ANK2: variants seen among roughly 807,000 people sequenced by gnomAD.
The protein encoded by ANK2 is ankyrin 2.
ANK2 carries 83 observed loss-of-function variants against 360.5 expected under a neutral mutation model. That is an observed-to-expected ratio of 0.23 (90% confidence interval 0.19 to 0.28). The LOEUF is 0.28. Ranked by LOEUF, ANK2 falls within the 10% of genes least tolerant of loss-of-function variation. The pLI, the probability that ANK2 is intolerant of heterozygous loss-of-function variation, is 1.00. For synonymous variants in ANK2, 1,740 were observed against 1,759.5 expected, an observed-to-expected ratio of 0.99 and a Z score of 0.28; for missense variants, 4,201 against 4,795.7, an observed-to-expected ratio of 0.88 and a Z score of 3.66.
intron 1 of ANK2, chr4:112,818,301 T>A (rs971600371): frequency 6.6e-6 from 1 of 152,268 alleles, no homozygotes; most frequent in African/African-American, 2.4e-5. Context: ...CAGAGCATTT[T>A]GGAAGCGGGG....
chr4:113,239,015 G>GTC (rs2099404948), intron 7 of ANK2, among the ~76,000 whole-genome samples: 1 of 152,034 alleles, frequency 6.6e-6, no homozygotes, highest in Admixed American at 6.5e-5. Context: ...CACACTCAGG[G>GTC]TATGTCTGTG....
chr4:112,788,309 C>T, the ANK2 span: 14 of 1,568,796 alleles, frequency 8.9e-6, no homozygotes, highest in African/African-American at 1.3e-5. Flanking sequence ...GTGGACGAGA[C>T]GTCCCAGTCT....
In ANK2 at chr4:113,357,509, T is replaced by C. The variant is rs1164957496; in HGVS notation, c.8891T>C (p.Ile2964Thr). 2 of 1,614,132 alleles carry C rather than the reference T, an allele frequency of 1.2e-6. No homozygotes were observed. The highest frequency in any genetic ancestry group is 1.1e-5 in the South Asian group (1 of 91,086). Residue 2964 changes from isoleucine (I) to threonine (T), a missense_variant, in exon 38 of 46, where the codon ATC (isoleucine) becomes ACC (threonine). Ile to Thr is a moderately conservative substitution (Grantham distance 89). Coordinates refer to ENST00000357077, the MANE Select transcript of ANK2 (RefSeq NM_001148.6). ...FHSSEVYSVT[I>T]TSPVEDVVVA... Reference sequence around the variant, plus strand: ...TCTTCTGAAGTGTATTCTGTTACCATCACATCCCCTGTTGAAGACGTTGTA... The same window carrying C: ...TCTTCTGAAGTGTATTCTGTTACCACCACATCCCCTGTTGAAGACGTTGTA...
At chr4:112,716,173 A>G in the ANK2 span, among the ~76,000 whole-genome samples, 1 of 152,222 alleles carries the variant, frequency 6.6e-6, no homozygotes, top group Non-Finnish European at 1.5e-5. Flanking sequence ...AACTCTGAGT[A>G]AATTATATAA....
chr4:113,144,513 C>A (rs1465627349), intron 1 of ANK2, among the ~76,000 whole-genome samples: 3 of 151,880 alleles, frequency 2.0e-5, no homozygotes, highest in Non-Finnish European at 4.4e-5. Flanking sequence ...TGGTTAGTTT[C>A]TAAATATCTT....
chr4:113,176,989 C>T (rs1334099464), intron 2 of ANK2, among the ~76,000 whole-genome samples: 1 of 152,146 alleles, frequency 6.6e-6, no homozygotes, highest in Non-Finnish European at 1.5e-5. Flanking sequence ...CATAGTATTC[C>T]ATGGTGTATA....
intron 27 of ANK2, 113 bp from the exon 28 acceptor site, chr4:113,331,859 T>G (rs2092529187): frequency 1.0e-6 from 1 of 984,644 alleles, no homozygotes; most frequent in Non-Finnish European, 1.6e-6. Flanking sequence ...CCAAACGCAG[T>G]GTGAAACCAA....
intron 1 of ANK2, among the ~76,000 whole-genome samples, chr4:113,117,768 TAA>T (rs2154369647): frequency 6.6e-6 from 1 of 152,336 alleles, no homozygotes; most frequent in East Asian, 1.9e-4. Flanking sequence ...GTTGGAGGGT[TAA>T]AGTATTTTCT....
intron 8 of ANK2, among the ~76,000 whole-genome samples, chr4:113,241,248 T>G (rs1378662236): frequency 6.6e-6 from 1 of 152,214 alleles, no homozygotes; most frequent in African/African-American, 2.4e-5. Flanking sequence ...GTATAATGTT[T>G]TTGTACTAAG....
intron 1 of ANK2, among the ~76,000 whole-genome samples, chr4:113,082,089 A>G (rs959341770): frequency 2.0e-5 from 3 of 152,178 alleles, no homozygotes. Flanking sequence ...GATTACAGGC[A>G]TGAGCCACTG....
chr4:112,888,089 G>C (rs1027427315), intron 1 of ANK2, among the ~76,000 whole-genome samples: 1 of 152,102 alleles, frequency 6.6e-6, no homozygotes, highest in Non-Finnish European at 1.5e-5. Flanking sequence ...TAGATAGGTA[G>C]TGTTTTCCTT....
the ANK2 span, among the ~76,000 whole-genome samples, chr4:112,785,457 G>T: frequency 1.4e-5 from 2 of 146,448 alleles, no homozygotes; most frequent in Admixed American, 1.4e-4. Context: ...GACTGCAACC[G>T]CTGCCTCCTG....
intron 1 of ANK2, among the ~76,000 whole-genome samples, chr4:112,878,482 AC>A (rs1256791772): frequency 1.1e-4 from 16 of 151,782 alleles, no homozygotes; most frequent in African/African-American, 3.1e-4. Flanking sequence ...ATGCGCCACC[AC>A]GCCCAGTTAA....
At chr4:112,812,305 G>A in the ANK2 span, among the ~76,000 whole-genome samples, 3 of 152,240 alleles carry the variant, frequency 2.0e-5, no homozygotes, top group East Asian at 5.8e-4. Flanking sequence ...TGCTGTGATA[G>A]ATTGTATTTA....
In ANK2 at chr4:113,174,410, T is replaced by C; in HGVS notation, c.85-6T>C. The stretch of plus-strand genomic sequence containing the variant: ...GTTCATTAAAGGTCTTTTATTTTTC[T>C]CGCAGTCTGACAGCAATGCAAGCTT... On this transcript the variant is annotated splice_region_variant and splice_polypyrimidine_tract_variant and intron_variant, in intron 1 of 45. Coordinates refer to ENST00000357077, the MANE Select transcript of ANK2 (RefSeq NM_001148.6). The C allele has an allele frequency of 6.2e-7, 1 of 1,609,404 alleles. No individual in the cohort carries two copies.
At chr4:113,041,841 AC>A (rs1406654845) in intron 2 of ANK2, among the ~76,000 whole-genome samples, 5 of 152,132 alleles carry the variant, frequency 3.3e-5, no homozygotes, top group African/African-American at 1.2e-4. Flanking sequence ...TTTGCAGATG[AC>A]TGTCTTCTCA....
At chr4:113,338,543 CTTTTTTTTTTTT>C (rs71582166) in intron 31 of ANK2, among the ~76,000 whole-genome samples, 1 of 96,118 alleles carries the variant, frequency 1.0e-5, no homozygotes, top group Non-Finnish European at 1.9e-5. Context: ...AGATTGTTCA[CTTTTTTTTTTTT>C]TTTTTTTTTT....
chr4:113,271,555 C>T (rs1293184271), intron 14 of ANK2, among the ~76,000 whole-genome samples: 1 of 152,172 alleles, frequency 6.6e-6, no homozygotes, highest in African/African-American at 2.4e-5. Context: ...AATTCACCCT[C>T]TCCCGAAGAA....
chr4:112,724,544 GACACACACACATACAC>G, the ANK2 span, among the ~76,000 whole-genome samples: 1 of 116,030 alleles, frequency 8.6e-6, no homozygotes, highest in Non-Finnish European at 1.9e-5. Context: ...CAAATATATA[GACACACACACATACAC>G]ACACACACAC....
Sources: gnomAD v4.1 joint callset for allele counts (sites outside exome capture counted in the v4.1 genomes callset) on GRCh38, gnomAD v4.1.1 for gene constraint, MANE v1.5 for transcripts, NCBI Gene and HGNC (gene_info 2026-07-23, HGNC 2026-07-21) for gene names.